Variants in PTPRM observed in about 807,000 individuals in gnomAD.
PTPRM encodes the protein protein tyrosine phosphatase receptor type M.
A neutral mutation model predicts 186.7 loss-of-function variants in PTPRM; 47 were observed. The observed-to-expected ratio is 0.25, with a 90% CI of 0.20 to 0.32. PTPRM has a LOEUF of 0.32. Among genes scored for constraint, PTPRM ranks in the 10% least tolerant of loss-of-function variants. PTPRM has a pLI of 1.00. For missense variants in PTPRM, 1,494 were observed against 1,865.0 expected, an observed-to-expected ratio of 0.80 and a Z score of 3.66; for synonymous variants, 668 against 674.9, an observed-to-expected ratio of 0.99 and a Z score of 0.16.
intron 1 of PTPRM, among the ~76,000 whole-genome samples, chr18:7,760,113 C>T (rs2041696846): frequency 6.6e-6 from 1 of 152,186 alleles, no homozygotes; most frequent in African/African-American, 2.4e-5. Flanking sequence ...GTTTCTTCTG[C>T]CTTCTCTTCT....
chr18:7,764,620 A>G (rs2041934792), intron 1 of PTPRM, among the ~76,000 whole-genome samples: 1 of 152,148 alleles, frequency 6.6e-6, no homozygotes, highest in African/African-American at 2.4e-5. Flanking sequence ...GCCGGGCCCA[A>G]CCCCCAGAGG....
intron 2 of PTPRM, among the ~76,000 whole-genome samples, chr18:7,848,729 C>G (rs911649335): frequency 1.3e-5 from 2 of 152,140 alleles, no homozygotes; most frequent in Non-Finnish European, 2.9e-5. Context: ...CACCACTGTA[C>G]TCCAGCCTGT....
intron 7 of PTPRM, among the ~76,000 whole-genome samples, chr18:7,965,860 G>A (rs1287804332): frequency 2.6e-5 from 4 of 152,102 alleles, no homozygotes; most frequent in Admixed American, 1.3e-4. Context: ...TCATTAACAC[G>A]AAATGTGGGC....
At chr18:8,004,265 G>A (rs1418563714) in intron 7 of PTPRM, among the ~76,000 whole-genome samples, 1 of 152,100 alleles carries the variant, frequency 6.6e-6, no homozygotes, top group African/African-American at 2.4e-5. Flanking sequence ...CCTTATGAAA[G>A]GGATCCATAG....
intron 14 of PTPRM, among the ~76,000 whole-genome samples, chr18:8,161,072 G>A (rs1228629691): frequency 6.6e-6 from 1 of 151,966 alleles, no homozygotes; most frequent in Non-Finnish European, 1.5e-5. Context: ...CTAATTCTTA[G>A]GTTTAACTTT....
At chr18:8,372,096 G>A (rs1397061324) in intron 24 of PTPRM, among the ~76,000 whole-genome samples, 4 of 53,216 alleles carry the variant, frequency 7.5e-5, no homozygotes, top group Admixed American at 2.7e-4. Context: ...ACGGAGTCTC[G>A]CTCTGTCGCC....
chr18:7,955,243 T>G lies in PTPRM; in HGVS notation c.961T>G (p.Cys321Gly). 1 of 1,614,128 alleles carries G rather than the reference T, an allele frequency of 6.2e-7. No individual in the cohort carries two copies. The highest frequency in any genetic ancestry group is 8.5e-7 in the Non-Finnish European group (1 of 1,180,044). ...CATTGTGGCCCGAGAGGTGGAGTAC[T>G]GCACGGCCAGTGGGAGCTGGAATGA... ...GPIVAREVEY[C>G]TASGSWNDRQ... The change falls in exon 7 of 33, where the codon TGC becomes GGC. Residue 321 changes from cysteine (C) to glycine (G), a missense_variant. By Grantham distance (159) the Cys-to-Gly change is radical (BLOSUM62 -3). This residue lies in a region of PTPRM where 91 missense variants were observed against 169.3 expected (regional missense o/e 0.54). Coordinates refer to ENST00000580170, the MANE Select transcript of PTPRM (RefSeq NM_001105244.2).
intron 19 of PTPRM, among the ~76,000 whole-genome samples, chr18:8,277,804 G>A (rs1181231865): frequency 6.6e-6 from 1 of 152,174 alleles, no homozygotes; most frequent in Non-Finnish European, 1.5e-5. Flanking sequence ...TATGCTACTA[G>A]GAGAGCTATA....
At chr18:8,126,365 T>C (rs1408393170) in intron 13 of PTPRM, among the ~76,000 whole-genome samples, 1 of 152,008 alleles carries the variant, frequency 6.6e-6, no homozygotes. Flanking sequence ...AATATGTATA[T>C]ATATATAAAT....
intron 1 of PTPRM, among the ~76,000 whole-genome samples, chr18:7,706,066 G>T (rs1000644899): frequency 4.7e-5 from 7 of 150,082 alleles, no homozygotes; most frequent in African/African-American, 1.7e-4. Flanking sequence ...TATATATAGA[G>T]AGAGTATGAT....
chr18:8,221,112 G>A (rs928480856), intron 14 of PTPRM, among the ~76,000 whole-genome samples: 7 of 152,070 alleles, frequency 4.6e-5, no homozygotes, highest in African/African-American at 1.2e-4. Flanking sequence ...GATTTGACAG[G>A]GTGTTTATTT....
chr18:8,308,100 G>A (rs1423181292), intron 20 of PTPRM, among the ~76,000 whole-genome samples: 2 of 152,188 alleles, frequency 1.3e-5, no homozygotes, highest in South Asian at 2.1e-4. Flanking sequence ...ATTAAGTACT[G>A]TTAAAAGAAA....
chr18:8,085,882 A>C lies in PTPRM; in HGVS notation c.1753+10A>C, dbSNP rs761394463. 5.3e-5 allele frequency: 85 copies of C among 1,609,012 alleles called. No individual in the cohort carries two copies. Among genetic ancestry groups the C allele is most frequent in the Non-Finnish European group, 7.1e-5 (84 of 1,175,964 alleles). ...ACCACCAAAATATCAGGTACTCTAC[A>C]TTCGTGAGTTGTGTCTTTTATCAGA... On this transcript the variant is annotated intron_variant, in intron 10 of 32. Transcript: ENST00000580170.
chr18:7,930,224 A>T (rs1353799586), intron 5 of PTPRM, among the ~76,000 whole-genome samples: 1 of 151,998 alleles, frequency 6.6e-6, no homozygotes, highest in African/African-American at 2.4e-5. Flanking sequence ...GTGCACCACC[A>T]CACCTGGCTA....
chr18:7,696,750 A>T (rs1051128025), intron 1 of PTPRM, among the ~76,000 whole-genome samples: 4 of 152,240 alleles, frequency 2.6e-5, no homozygotes, highest in African/African-American at 9.6e-5. Context: ...TTCCTCTGCC[A>T]TACAACTCAC....
At chr18:7,579,998 G>T (rs2036800810) in intron 1 of PTPRM, among the ~76,000 whole-genome samples, 1 of 152,160 alleles carries the variant, frequency 6.6e-6, no homozygotes, top group East Asian at 1.9e-4. Flanking sequence ...AAGGAAGAAA[G>T]GTCTTTGTCA....
At position 7,716,806 on chromosome 18, in the gene PTPRM, A is replaced by G. The variant is rs8093703; in HGVS notation, c.74-57343A>G. 9.7e-3 allele frequency among the ~76,000 whole-genome samples: 1,479 copies of G among 152,316 alleles called. 34 individuals carry two copies. Among genetic ancestry groups the G allele is most frequent in the African/African-American group, 0.034 (1,409 of 41,568 alleles). ...CCATCTCATACCAGTTAGAATGGCA[A>G]TCATTAAAAAGTCAGGAAATAACAG... On this transcript the variant is annotated intron_variant, in intron 1 of 32. Transcript: ENST00000580170.
intron 8 of PTPRM, among the ~76,000 whole-genome samples, chr18:8,074,541 G>T (rs573868423): frequency 6.6e-6 from 1 of 152,142 alleles, no homozygotes; most frequent in Admixed American, 6.5e-5. Context: ...TGGGGTTTCC[G>T]ATTACTCTTC....
intron 32 of PTPRM, among the ~76,000 whole-genome samples, chr18:8,401,215 G>A (rs2095870612): frequency 6.6e-6 from 1 of 152,164 alleles, no homozygotes; most frequent in South Asian, 2.1e-4. Context: ...CCAACCTAGG[G>A]GAGGTTGTGG....
Sources: gnomAD v4.1 joint callset for allele counts (sites outside exome capture counted in the v4.1 genomes callset) on GRCh38, gnomAD v4.1.1 for gene constraint, gnomAD v4.1.1 regional missense constraint, MANE v1.5 for transcripts, NCBI Gene and HGNC (gene_info 2026-07-23, HGNC 2026-07-21) for gene names.